The following LIMCH1 variants were observed in gnomAD, a reference collection of about 807,000 sequenced individuals.
LIMCH1 encodes LIM and calponin homology domains 1.
LIMCH1 carries 113 observed loss-of-function variants against 176.5 expected under a neutral mutation model. That is an observed-to-expected ratio of 0.64 (90% CI 0.55 to 0.75). The LOEUF is 0.75. Ranked by LOEUF, LIMCH1 falls within the 30% of genes least tolerant of loss-of-function variation. LIMCH1 has a pLI of 0.00. For synonymous variants in LIMCH1, 619 were observed against 645.9 expected (o/e 0.96, Z 0.63); for missense variants, 1,674 against 1,814.9 (o/e 0.92, Z 1.41).
intron 1 of LIMCH1, among the ~76,000 whole-genome samples, chr4:41,361,670 G>A (rs1158812095): frequency 6.6e-6 from 1 of 152,232 alleles, no homozygotes; most frequent in Non-Finnish European, 1.5e-5. Context: ...GGCAGGCCAG[G>A]GAAATCACTG....
intron 1 of LIMCH1, among the ~76,000 whole-genome samples, chr4:41,556,226 C>G (rs1023312154): frequency 6.6e-6 from 1 of 151,874 alleles, no homozygotes; most frequent in African/African-American, 2.4e-5. Flanking sequence ...AAAACCCTGT[C>G]TCTACTAAAA....
At chr4:41,425,472 A>G (rs2060995382) in intron 1 of LIMCH1, among the ~76,000 whole-genome samples, 1 of 152,046 alleles carries the variant, frequency 6.6e-6, no homozygotes, top group South Asian at 2.1e-4. Context: ...TCAGCCTCCC[A>G]GGTAGCTGAG....
chr4:41,375,542 G>A (rs1306313992), intron 1 of LIMCH1, among the ~76,000 whole-genome samples: 3 of 152,164 alleles, frequency 2.0e-5, no homozygotes, highest in Admixed American at 2.0e-4. Context: ...ACCAGTATCT[G>A]ATTTTTTTCC....
intron 1 of LIMCH1, among the ~76,000 whole-genome samples, chr4:41,594,222 T>C (rs1286412373): frequency 6.6e-6 from 1 of 152,236 alleles, no homozygotes; most frequent in Non-Finnish European, 1.5e-5. Flanking sequence ...AGATCATACA[T>C]TGCATTTGTT....
intron 2 of LIMCH1, among the ~76,000 whole-genome samples, chr4:41,603,145 G>A (rs776849199): frequency 1.3e-5 from 2 of 152,134 alleles, no homozygotes; most frequent in Non-Finnish European, 2.9e-5. Flanking sequence ...CCCCCTCACC[G>A]AAGTTACTGT....
Position 41,632,368 on chromosome 4 carries a change from G to A in LIMCH1, c.1602-381G>A, listed in dbSNP as rs71608084. 2.6e-3 allele frequency among the ~76,000 whole-genome samples: 392 copies of A among 152,208 alleles called. 2 individuals are homozygous for A. The highest frequency in any genetic ancestry group is 2.2e-3 in the Non-Finnish European group (150 of 67,998). ...GAAGGGTTTCTTTGGTTCCAGACTC[G>A]GGGTGACACCATAGAAGAGAGAAGG... On this transcript the variant is annotated intron_variant, in intron 10 of 31. Coordinates refer to ENST00000503057, the MANE Select transcript of LIMCH1 (RefSeq NM_001330672.2).
intron 23 of LIMCH1, 103 bp downstream of exon 23, chr4:41,676,565 A>T (rs2095225651): frequency 1.2e-6 from 1 of 861,056 alleles, no homozygotes; most frequent in African/African-American, 1.7e-5. Flanking sequence ...GAATCAAGTT[A>T]TTCTCGGAAG....
At chr4:41,642,004 C>T (rs1048896763) in intron 14 of LIMCH1, among the ~76,000 whole-genome samples, 1 of 152,188 alleles carries the variant, frequency 6.6e-6, no homozygotes, top group African/African-American at 2.4e-5. Context: ...CTCATTTTCT[C>T]CATGCCCATT....
chr4:41,385,345 A>G (rs1321928433), intron 1 of LIMCH1, among the ~76,000 whole-genome samples: 1 of 152,174 alleles, frequency 6.6e-6, no homozygotes, highest in Admixed American at 6.5e-5. Flanking sequence ...GATTGAGAGT[A>G]TTTGTTTTCT....
intron 1 of LIMCH1, among the ~76,000 whole-genome samples, chr4:41,490,960 A>T (rs1338706596): frequency 6.7e-6 from 1 of 149,050 alleles, no homozygotes. Context: ...GGCACTCCTC[A>T]CTTCCCAGAC....
At chr4:41,516,634 A>G (rs6447081) in intron 2 of LIMCH1, among the ~76,000 whole-genome samples, 79,065 of 152,156 alleles carry the variant, frequency 0.52, 23,718 homozygotes, top group African/African-American at 0.83. Context: ...AATGGATCAA[A>G]GCACTCTGAA....
chr4:41,391,765 A>G (rs974446441), intron 1 of LIMCH1, among the ~76,000 whole-genome samples: 1 of 152,212 alleles, frequency 6.6e-6, no homozygotes, highest in Admixed American at 6.5e-5. Context: ...AGAAGCTATC[A>G]CAGATTGATG....
At chr4:41,670,655 C>CTATTCAG in intron 21 of LIMCH1, 1 of 1,217,910 alleles carries the variant, frequency 8.2e-7, no homozygotes, top group Non-Finnish European at 1.2e-6. Context: ...GAGCATGGTT[C>CTATTCAG]TATTCAGTTC....
At chr4:41,619,951 C>G (rs2092436332) in intron 6 of LIMCH1, 1 of 181,606 alleles carries the variant, frequency 5.5e-6, no homozygotes, top group South Asian at 1.2e-4. Flanking sequence ...GTTTTAATCT[C>G]TGATTATGCT....
chr4:41,678,148 A>G (rs561622889), intron 23 of LIMCH1, among the ~76,000 whole-genome samples: 1 of 151,900 alleles, frequency 6.6e-6, no homozygotes, highest in East Asian at 1.9e-4. Context: ...ATGTGTTCTC[A>G]TTGTTCATCT....
chr4:41,679,322 A>C (rs1294650396), intron 23 of LIMCH1, among the ~76,000 whole-genome samples: 3 of 152,174 alleles, frequency 2.0e-5, no homozygotes, highest in African/African-American at 4.8e-5. Context: ...CAGGGACTCC[A>C]ATCACATTTT....
intron 1 of LIMCH1, among the ~76,000 whole-genome samples, chr4:41,367,728 G>A (rs1250936042): frequency 4.7e-5 from 7 of 149,376 alleles, no homozygotes; most frequent in East Asian, 2.0e-4. Flanking sequence ...TCATCCGGGC[G>A]TGGTGGCAGG....
intron 1 of LIMCH1, among the ~76,000 whole-genome samples, chr4:41,477,122 G>C (rs934273918): frequency 2.0e-5 from 3 of 152,158 alleles, no homozygotes; most frequent in Non-Finnish European, 4.4e-5. Flanking sequence ...GCCCAGCTTA[G>C]AATCCTGGGT....
intron 29 of LIMCH1, 153 bp downstream of exon 29, chr4:41,688,070 G>A (rs1722357609): frequency 5.6e-6 from 1 of 178,658 alleles, no homozygotes; most frequent in South Asian, 1.9e-4. Context: ...AAAGGAAAGA[G>A]AACATTGTCC....
Sources: allele counts gnomAD v4.1 joint callset (sites outside exome capture counted in the v4.1 genomes callset), GRCh38; gene constraint gnomAD v4.1.1; transcripts MANE v1.5; gene names NCBI Gene and HGNC (gene_info 2026-07-23, HGNC 2026-07-21).